DOCK11: variants seen among roughly 807,000 people sequenced by gnomAD.
The protein encoded by DOCK11 is dedicator of cytokinesis 11.
A neutral mutation model predicts 169.1 loss-of-function variants in DOCK11; 70 were observed. That is an observed-to-expected ratio of 0.41 (90% CI 0.34 to 0.51). The LOEUF is 0.51. Among genes scored for constraint, DOCK11 ranks in the 20% least tolerant of loss-of-function variants. The probability of loss-of-function intolerance (pLI) is 0.10; values close to 1 mark genes in which losing one functional copy is unlikely to be tolerated. For synonymous variants in DOCK11, 529 were observed against 541.3 expected (o/e 0.98, Z 0.32); for missense variants, 1,166 against 1,538.8 (o/e 0.76, Z 4.05).
chrX:118,639,197 C>CT (rs1271115405), intron 37 of DOCK11, among the ~76,000 whole-genome samples: 2 of 111,867 alleles, frequency 1.8e-5, no homozygotes, highest in Non-Finnish European at 3.8e-5. Context: ...CCACTTATCT[C>CT]TGATGTTTTT....
At chrX:118,612,600 C>T (rs1056030299) in intron 28 of DOCK11, among the ~76,000 whole-genome samples, 2 of 111,224 alleles carry the variant, frequency 1.8e-5, no homozygotes, top group African/African-American at 3.3e-5. Context: ...ACAGTAATAC[C>T]AGAAATACAG....
At chrX:118,565,542 A>C (rs771921260) in intron 7 of DOCK11, among the ~76,000 whole-genome samples, 10 of 112,297 alleles carry the variant, frequency 8.9e-5, no homozygotes, top group Non-Finnish European at 1.9e-4. Context: ...GTTAGGATCT[A>C]TAGTGCCTTT....
At chrX:118,638,404 G>A (rs1800165676) in intron 37 of DOCK11, among the ~76,000 whole-genome samples, 2 of 112,064 alleles carry the variant, frequency 1.8e-5, no homozygotes, top group Admixed American at 1.9e-4. Flanking sequence ...CCAGGGGAAG[G>A]CAGGAAATCA....
intron 16 of DOCK11, among the ~76,000 whole-genome samples, chrX:118,587,563 C>T (rs189028240): frequency 3.6e-5 from 4 of 111,921 alleles, no homozygotes; most frequent in African/African-American, 6.5e-5. Context: ...ACTACAGTGA[C>T]GATTTCAATA....
At chrX:118,680,205 G>A (rs1040895671) in intron 48 of DOCK11, among the ~76,000 whole-genome samples, 40 of 110,385 alleles carry the variant, frequency 3.6e-4, no homozygotes, top group Non-Finnish European at 5.7e-4. Flanking sequence ...GGGATTACAG[G>A]CATGAGCCAC....
intron 29 of DOCK11, 52 bp downstream of exon 29, chrX:118,614,827 C>G (rs1266329924): frequency 1.2e-6 from 1 of 856,010 alleles, no homozygotes; most frequent in Non-Finnish European, 1.7e-6. Context: ...GAGCATAAGA[C>G]CAAAGTGACA....
intron 32 of DOCK11, 99 bp downstream of exon 32, chrX:118,624,754 C>CTT (rs368211104): frequency 0.028 from 6,276 of 223,659 alleles, 5 homozygotes; most frequent in East Asian, 0.033. Context: ...TAAGAGTTCA[C>CTT]TTTTTTTTTT....
chrX:118,561,179 A>G (rs991146022), intron 6 of DOCK11, among the ~76,000 whole-genome samples: 1 of 111,925 alleles, frequency 8.9e-6, no homozygotes, highest in Non-Finnish European at 1.9e-5. Context: ...TAGATATTTG[A>G]TTAACTGAGG....
At chrX:118,599,296 G>A (rs2014264926) in intron 23 of DOCK11, 68 bp downstream of exon 23, 8 of 706,516 alleles carry the variant, frequency 1.1e-5, no homozygotes, top group East Asian at 4.0e-5. Flanking sequence ...ATTTTGGTGT[G>A]AAAAAAAAAA....
At chrX:118,612,946 G>A (rs189501708) in intron 28 of DOCK11, among the ~76,000 whole-genome samples, 1 of 111,713 alleles carries the variant, frequency 9.0e-6, no homozygotes, top group East Asian at 2.8e-4. Flanking sequence ...TGGTATGATA[G>A]ATGAAGTGAG....
intron 42 of DOCK11, 106 bp downstream of exon 42, chrX:118,652,183 C>A: frequency 2.0e-6 from 1 of 496,193 alleles, no homozygotes; most frequent in Non-Finnish European, 3.4e-6. Context: ...ATAGAATGTA[C>A]GGAATGTGAG....
intron 7 of DOCK11, among the ~76,000 whole-genome samples, chrX:118,564,015 C>G (rs2012994680): frequency 8.9e-6 from 1 of 112,078 alleles, no homozygotes; most frequent in African/African-American, 3.2e-5. Context: ...AAAAATAACT[C>G]TCACCAAAGT....
intron 1 of DOCK11, among the ~76,000 whole-genome samples, chrX:118,510,046 T>C (rs943712130): frequency 2.7e-5 from 3 of 112,459 alleles, no homozygotes; most frequent in Non-Finnish European, 3.8e-5. Flanking sequence ...CTAGGATAAT[T>C]GCCCCATCTC....
chrX:118,593,138 G>C, intron 19 of DOCK11, 76 bp from the exon 20 acceptor site: 1 of 1,078,467 alleles, frequency 9.3e-7, no homozygotes, highest in Non-Finnish European at 1.2e-6. Flanking sequence ...GGAGCAGTAT[G>C]ATGAAACTGA....
Position 118,627,526 on chromosome X carries a change from G to A in DOCK11, c.3611G>A (p.Cys1204Tyr). Residue 1204 changes from cysteine to tyrosine, a missense_variant, in exon 33 of 53, where the codon TGT (cysteine) becomes TAT (tyrosine). Physicochemically the swap from Cys to Tyr is radical, Grantham distance 194. Coordinates refer to ENST00000276202, the MANE Select transcript of DOCK11 (RefSeq NM_144658.4). The part of the protein sequence containing the change: ...PNSASRDEFP[C>Y]GFTSPANRGS... ...CAGGCATCCAGAGATGAGTTTCCATGTGGCTTTACTTCACCTGCCAATAGA... is the reference window on the plus strand; with the variant it reads ...CAGGCATCCAGAGATGAGTTTCCATATGGCTTTACTTCACCTGCCAATAGA... The A allele has an allele frequency of 8.3e-7, 1 of 1,210,014 alleles. No individual in the cohort carries two copies. Among genetic ancestry groups the A allele is most frequent in the East Asian group, 3.0e-5 (1 of 33,809 alleles).
chrX:118,596,987 C>T (rs901798278), intron 20 of DOCK11, among the ~76,000 whole-genome samples: 1 of 111,926 alleles, frequency 8.9e-6, no homozygotes, highest in Non-Finnish European at 1.9e-5. Flanking sequence ...TGATTGTTAT[C>T]TGAAATAGTC....
At chrX:118,504,982 G>C (rs770766226) in intron 1 of DOCK11, among the ~76,000 whole-genome samples, 91 of 112,592 alleles carry the variant, frequency 8.1e-4, no homozygotes, top group African/African-American at 2.9e-3. Flanking sequence ...CTGGGCATTG[G>C]TAACCCCCTC....
At chrX:118,624,754 CTTTTT>C (rs368211104) in intron 32 of DOCK11, 99 bp downstream of exon 32, 567 of 231,776 alleles carry the variant, frequency 2.4e-3, no homozygotes, top group Middle Eastern at 4.2e-3. Context: ...TAAGAGTTCA[CTTTTT>C]TTTTTTTTTT....
chrX:118,499,353 A>C (rs2057558404), intron 1 of DOCK11, among the ~76,000 whole-genome samples: 1 of 111,152 alleles, frequency 9.0e-6, no homozygotes, highest in Non-Finnish European at 1.9e-5. Flanking sequence ...TGTGCGCCAA[A>C]AGATCGGGAA....
Sources: allele counts gnomAD v4.1 joint callset (sites outside exome capture counted in the v4.1 genomes callset), GRCh38; gene constraint gnomAD v4.1.1; transcripts MANE v1.5; gene names NCBI Gene and HGNC (gene_info 2026-07-23, HGNC 2026-07-21).